The following PTPN4 variants were observed in gnomAD, a reference collection of about 807,000 sequenced individuals.
The protein encoded by PTPN4 is tyrosine-protein phosphatase non-receptor type 4.
PTPN4 carries 49 observed loss-of-function variants against 135.5 expected under a neutral mutation model. That is an observed-to-expected ratio of 0.36 (90% CI 0.29 to 0.46). The LOEUF is 0.46. PTPN4 is among the 20% of genes least tolerant of loss of function. The pLI is 1.00. For synonymous variants in PTPN4, 333 were observed against 369.9 expected (o/e 0.90, Z 1.14); for missense variants, 860 against 1,101.0 (o/e 0.78, Z 3.10).
chr2:119,882,684 G>T, intron 8 of PTPN4, 61 bp downstream of exon 8: 1 of 1,325,320 alleles, frequency 7.5e-7, no homozygotes, highest in East Asian at 2.5e-5. Context: ...CTAGAGAAAT[G>T]TTTGAAATTC....
At chr2:119,962,482 C>T (rs1489255360) in intron 23 of PTPN4, 134 bp from the exon 24 acceptor site, 5 of 447,850 alleles carry the variant, frequency 1.1e-5, no homozygotes, top group East Asian at 1.2e-4. Context: ...GTCAGCAGAT[C>T]GAGATGAAAT....
rs1678957362 is a variant in PTPN4 at position 119,934,814 on chromosome 2, T to C, written c.1211T>C (p.Phe404Ser). The C allele has an allele frequency of 6.2e-7, 1 of 1,613,886 alleles. No individual in the cohort carries two copies. The highest frequency in any genetic ancestry group is 8.5e-7 in the Non-Finnish European group (1 of 1,179,902). ...PGTPNHRNSTFTQEGTRLRPS... is the reference protein window; with the variant it reads ...PGTPNHRNSTSTQEGTRLRPS... Reference sequence around the variant, plus strand: ...TCTTTATTTAGTCGAAATTCTACATTCACGCAGGAAGGAACCCGGTTACGA... The same window carrying C: ...TCTTTATTTAGTCGAAATTCTACATCCACGCAGGAAGGAACCCGGTTACGA... Residue 404 changes from phenylalanine (F) to serine (S), a missense_variant, in exon 15 of 27, where the codon TTC becomes TCC. By Grantham distance (155) the Phe-to-Ser change is radical (BLOSUM62 -2). This residue lies in a region of PTPN4 where 684 missense variants were observed against 807.0 expected (regional missense o/e 0.85). Transcript: ENST00000263708.
intron 3 of PTPN4, among the ~76,000 whole-genome samples, chr2:119,867,953 G>T (rs975110194): frequency 6.6e-6 from 1 of 152,144 alleles, no homozygotes; most frequent in Admixed American, 6.5e-5. Flanking sequence ...AGCCAGCAGG[G>T]CAAAGATGAA....
intron 1 of PTPN4, among the ~76,000 whole-genome samples, chr2:119,807,370 C>A (rs534346260): frequency 6.6e-6 from 1 of 151,966 alleles, no homozygotes; most frequent in African/African-American, 2.4e-5. Context: ...ATCGAATAGA[C>A]GCAATAAAAA....
At chr2:119,789,106 A>G (rs1691094960) in intron 1 of PTPN4, among the ~76,000 whole-genome samples, 1 of 150,482 alleles carries the variant, frequency 6.6e-6, no homozygotes, top group South Asian at 2.1e-4. Flanking sequence ...TTTTTTTTTA[A>G]AGTAGTAACC....
intron 5 of PTPN4, among the ~76,000 whole-genome samples, chr2:119,878,966 G>A (rs1233665787): frequency 3.4e-4 from 51 of 151,664 alleles, no homozygotes; most frequent in South Asian, 1.0e-3. Flanking sequence ...GGTGGCAGGC[G>A]CCTGTAGTCC....
chr2:119,932,675 T>C, intron 14 of PTPN4, 126 bp downstream of exon 14: 1 of 1,157,838 alleles, frequency 8.6e-7, no homozygotes, highest in Non-Finnish European at 1.2e-6. Context: ...AACATGATTT[T>C]TGTTGCTCCA....
At chr2:119,934,525 A>G (rs9308777) in intron 14 of PTPN4, among the ~76,000 whole-genome samples, 107,496 of 151,984 alleles carry the variant, frequency 0.71, 38,217 homozygotes, top group East Asian at 0.83. Context: ...AGACAAAATC[A>G]TAGTGACTAA....
At chr2:119,796,219 C>G (rs1017282117) in intron 1 of PTPN4, among the ~76,000 whole-genome samples, 5 of 152,320 alleles carry the variant, frequency 3.3e-5, no homozygotes, top group Non-Finnish European at 7.4e-5. Context: ...AGTGGCTGTT[C>G]TGGATGGCCC....
intron 20 of PTPN4, among the ~76,000 whole-genome samples, chr2:119,956,349 A>C (rs2105055494): frequency 6.7e-6 from 1 of 148,800 alleles, no homozygotes; most frequent in South Asian, 2.1e-4. Flanking sequence ...AAGTAGCTGG[A>C]ATTACAGGCA....
chr2:119,970,087 T>G (rs1325458846), intron 26 of PTPN4, among the ~76,000 whole-genome samples: 1 of 151,920 alleles, frequency 6.6e-6, no homozygotes, highest in Non-Finnish European at 1.5e-5. Context: ...GAGACAGAGT[T>G]TCGCTCCTGT....
At chr2:119,812,352 A>G (rs1016362476) in intron 2 of PTPN4, among the ~76,000 whole-genome samples, 1 of 152,188 alleles carries the variant, frequency 6.6e-6, no homozygotes, top group Non-Finnish European at 1.5e-5. Flanking sequence ...AAGAAGGAGA[A>G]CTACTCAGTT....
chr2:119,789,577 T>C (rs893911747), intron 1 of PTPN4, among the ~76,000 whole-genome samples: 1 of 152,246 alleles, frequency 6.6e-6, no homozygotes, highest in African/African-American at 2.4e-5. Context: ...ACATCCCATC[T>C]ATTTTGATGT....
At chr2:119,862,753 C>T in intron 3 of PTPN4, 110 bp downstream of exon 3, 1 of 767,614 alleles carries the variant, frequency 1.3e-6, no homozygotes, top group Non-Finnish European at 2.0e-6. Flanking sequence ...TTTTTTTTTA[C>T]TTGACTTAAA....
intron 3 of PTPN4, among the ~76,000 whole-genome samples, chr2:119,876,422 T>C (rs1388299866): frequency 6.6e-6 from 1 of 152,268 alleles, no homozygotes; most frequent in East Asian, 1.9e-4. Flanking sequence ...ATGTGTTGGA[T>C]GTTATGGACA....
intron 1 of PTPN4, among the ~76,000 whole-genome samples, chr2:119,762,273 TA>T (rs1011860003): frequency 2.6e-5 from 4 of 151,004 alleles, no homozygotes; most frequent in East Asian, 1.9e-4. Flanking sequence ...TGCCTAACTT[TA>T]AAAAAAAAGT....
intron 1 of PTPN4, among the ~76,000 whole-genome samples, chr2:119,777,477 G>A (rs944109454): frequency 5.3e-5 from 8 of 151,978 alleles, no homozygotes; most frequent in Admixed American, 4.6e-4. Context: ...TTTGTTTGTC[G>A]ATATATTCAT....
At chr2:119,848,898 C>T (rs780080057) in intron 2 of PTPN4, among the ~76,000 whole-genome samples, 4 of 152,156 alleles carry the variant, frequency 2.6e-5, no homozygotes, top group Non-Finnish European at 2.9e-5. Flanking sequence ...CACACCTGGC[C>T]TCTTCATTCT....
At chr2:119,976,486 T>C (rs1679620418) in intron 26 of PTPN4, among the ~76,000 whole-genome samples, 1 of 152,210 alleles carries the variant, frequency 6.6e-6, no homozygotes, top group Admixed American at 6.5e-5. Context: ...TGTAGACTTT[T>C]ATCCCTTTTC....
Sources: gnomAD v4.1 joint callset for allele counts (sites outside exome capture counted in the v4.1 genomes callset) on GRCh38, gnomAD v4.1.1 for gene constraint, gnomAD v4.1.1 regional missense constraint, MANE v1.5 for transcripts, NCBI Gene and HGNC (gene_info 2026-07-23, HGNC 2026-07-21) for gene names.